KCNJ3: variants seen among roughly 807,000 people sequenced by gnomAD.
KCNJ3 encodes potassium inwardly rectifying channel subfamily J member 3.
A neutral mutation model predicts 39.2 loss-of-function variants in KCNJ3; 4 were observed. The observed-to-expected ratio is 0.10, with a 90% CI of 0.05 to 0.23. The LOEUF (loss-of-function observed/expected upper bound fraction) is 0.23, where lower values mean the gene tolerates loss of function less well. KCNJ3 is among the 10% of genes least tolerant of loss of function. The pLI, the probability that KCNJ3 is intolerant of heterozygous loss-of-function variation, is 1.00. For missense variants in KCNJ3, 276 were observed against 634.9 expected (o/e 0.43, Z 6.08); for synonymous variants, 230 against 237.4 (o/e 0.97, Z 0.29).
chr2:154,790,226 A>G (rs1686605785), intron 2 of KCNJ3, among the ~76,000 whole-genome samples: 2 of 152,126 alleles, frequency 1.3e-5, no homozygotes, highest in Admixed American at 1.3e-4. Context: ...AAAGTTATCC[A>G]AGGAATATTT....
chr2:154,815,043 A>C (rs958214066), intron 2 of KCNJ3, among the ~76,000 whole-genome samples: 4 of 152,240 alleles, frequency 2.6e-5, no homozygotes, highest in African/African-American at 9.6e-5. Context: ...TTGTGTGTAT[A>C]CGGTATGCTG....
intron 2 of KCNJ3, among the ~76,000 whole-genome samples, chr2:154,847,925 T>G (rs753557582): frequency 2.0e-5 from 3 of 152,128 alleles, no homozygotes; most frequent in Non-Finnish European, 2.9e-5. Context: ...TGATATGACT[T>G]ACTTACTGTG....
chr2:154,732,959 C>A (rs1018005955), intron 2 of KCNJ3, among the ~76,000 whole-genome samples: 1 of 152,096 alleles, frequency 6.6e-6, no homozygotes, highest in East Asian at 1.9e-4. Context: ...GAAACAGAAG[C>A]CAAGTCTGCC....
At chr2:154,801,573 C>T in intron 2 of KCNJ3, among the ~76,000 whole-genome samples, 2 of 140,014 alleles carry the variant, frequency 1.4e-5, no homozygotes, top group African/African-American at 2.6e-5. Context: ...CTTTCTTTCT[C>T]TGTCTCTCTC....
chr2:154,761,062 C>CTTTTTTTTTTTTTTTTTTTT (rs11375045), intron 2 of KCNJ3, among the ~76,000 whole-genome samples: 1 of 133,938 alleles, frequency 7.5e-6, no homozygotes. Context: ...TTAATTTTTT[C>CTTTTTTTTTTTTTTTTTTTT]TTTTTTTTTT....
chr2:154,837,787 C>T (rs1687496766), intron 2 of KCNJ3, among the ~76,000 whole-genome samples: 1 of 152,124 alleles, frequency 6.6e-6, no homozygotes, highest in South Asian at 2.1e-4. Flanking sequence ...ACTGGTGATG[C>T]CTTTGCATGT....
At chr2:154,707,214 C>G (rs1370766685) in intron 1 of KCNJ3, among the ~76,000 whole-genome samples, 1 of 151,874 alleles carries the variant, frequency 6.6e-6, no homozygotes, top group Non-Finnish European at 1.5e-5. Context: ...AATAGGAAGA[C>G]CTGGATAGGA....
intron 2 of KCNJ3, among the ~76,000 whole-genome samples, chr2:154,798,258 C>A (rs1686755442): frequency 6.6e-6 from 1 of 151,754 alleles, no homozygotes; most frequent in Admixed American, 6.6e-5. Context: ...CACTCCTGCC[C>A]ACTACAACAC....
intron 2 of KCNJ3, among the ~76,000 whole-genome samples, chr2:154,764,915 C>T (rs1686106799): frequency 6.6e-6 from 1 of 152,138 alleles, no homozygotes; most frequent in Admixed American, 6.6e-5. Flanking sequence ...ATTGTTTGCT[C>T]TAGTGGAAAT....
In KCNJ3 at chr2:154,723,657, T is replaced by C. The variant is rs4488612; in HGVS notation, c.919+13838T>C. 1.3e-3 allele frequency among the ~76,000 whole-genome samples: 196 copies of C among 152,330 alleles called. 1 individual carries two copies. Among genetic ancestry groups the C allele is most frequent in the African/African-American group, 4.4e-3 (181 of 41,590 alleles). ...TCCCTTTTGTGAGAGGATAAATGAATGTAGTTTGTATTCATTTAGCTTTGT... is the reference window on the plus strand; with the variant it reads ...TCCCTTTTGTGAGAGGATAAATGAACGTAGTTTGTATTCATTTAGCTTTGT... On this transcript the variant is annotated intron_variant, in intron 2 of 2. Coordinates refer to ENST00000295101, the MANE Select transcript of KCNJ3 (RefSeq NM_002239.4).
chr2:154,801,157 C>T (rs1686811412), intron 2 of KCNJ3, among the ~76,000 whole-genome samples: 1 of 152,180 alleles, frequency 6.6e-6, no homozygotes, highest in Non-Finnish European at 1.5e-5. Context: ...TCAGGGAAAG[C>T]CACTTACCTT....
intron 2 of KCNJ3, among the ~76,000 whole-genome samples, chr2:154,711,519 T>C (rs961645881): frequency 2.0e-5 from 3 of 152,164 alleles, no homozygotes; most frequent in African/African-American, 7.2e-5. Context: ...ATTTCTGTTT[T>C]TCCCTAAATA....
intron 2 of KCNJ3, among the ~76,000 whole-genome samples, chr2:154,738,523 G>A (rs978925729): frequency 4.0e-5 from 6 of 151,828 alleles, no homozygotes; most frequent in Non-Finnish European, 5.9e-5. Flanking sequence ...AACATCTCAT[G>A]TACCCCATAA....
At chr2:154,741,514 T>C (rs969675582) in intron 2 of KCNJ3, among the ~76,000 whole-genome samples, 3 of 151,934 alleles carry the variant, frequency 2.0e-5, no homozygotes, top group Non-Finnish European at 4.4e-5. Flanking sequence ...TTAAGAATTA[T>C]CAGAATCAAA....
chr2:154,829,046 C>T (rs1687317888), intron 2 of KCNJ3, among the ~76,000 whole-genome samples: 1 of 152,010 alleles, frequency 6.6e-6, no homozygotes, highest in Non-Finnish European at 1.5e-5. Flanking sequence ...CCTCTGTGGC[C>T]TGGTAAAGTG....
chr2:154,737,633 G>C (rs1685571218), intron 2 of KCNJ3, among the ~76,000 whole-genome samples: 1 of 152,112 alleles, frequency 6.6e-6, no homozygotes, highest in African/African-American at 2.4e-5. Context: ...CTCCAACCAA[G>C]CTTCTAGACA....
intron 2 of KCNJ3, among the ~76,000 whole-genome samples, chr2:154,792,186 A>T (rs575983423): frequency 6.6e-6 from 1 of 151,988 alleles, no homozygotes; most frequent in African/African-American, 2.4e-5. Flanking sequence ...TGCAGCAGCC[A>T]TTTCTGGAAA....
rs1686519223 is a variant in KCNJ3 at position 154,785,804 on chromosome 2, C to A, written c.920-68923C>A. Among the ~76,000 whole-genome samples, 4 of 152,132 alleles carry A rather than the reference C, an allele frequency of 2.6e-5. No homozygotes were observed. The South Asian group carries it at 6.2e-4, about 24-fold the overall frequency. ...CAAATTTCCCCTTCTTATAAGGATA[C>A]CAGTCAGATTGGATTAGAGCCCATC... is the stretch of plus-strand genomic sequence containing the variant. On this transcript the variant is annotated intron_variant, in intron 2 of 2. Transcript: ENST00000295101.
chr2:154,839,126 G>A (rs1268810232), intron 2 of KCNJ3, among the ~76,000 whole-genome samples: 1 of 152,076 alleles, frequency 6.6e-6, no homozygotes, highest in East Asian at 1.9e-4. Flanking sequence ...GCCCTGGTGT[G>A]TGATGTTCCC....
Sources: gnomAD v4.1 joint callset for allele counts (sites outside exome capture counted in the v4.1 genomes callset) on GRCh38, gnomAD v4.1.1 for gene constraint, MANE v1.5 for transcripts, NCBI Gene and HGNC (gene_info 2026-07-23, HGNC 2026-07-21) for gene names.